KIF5A: variants seen among roughly 807,000 people sequenced by gnomAD.
The protein encoded by KIF5A is kinesin family member 5A.
A neutral mutation model predicts 141.3 loss-of-function variants in KIF5A; 35 were observed. The ratio of observed to expected loss-of-function variants is 0.25; its 90% CI spans 0.19 to 0.33. KIF5A has a LOEUF of 0.33. Ranked by LOEUF, KIF5A falls within the 10% of genes least tolerant of loss-of-function variation. The pLI is 1.00. For synonymous variants in KIF5A, 448 were observed against 500.2 expected (o/e 0.90, Z 1.39); for missense variants, 861 against 1,314.3 (o/e 0.66, Z 5.33).
intron 3 of KIF5A, 22 bp downstream of exon 3, chr12:57,563,715 G>A: frequency 6.2e-7 from 1 of 1,601,704 alleles, no homozygotes; most frequent in Non-Finnish European, 8.6e-7. Flanking sequence ...GGCTTTGGTG[G>A]TTGAGGGGCT....
chr12:57,561,771 T>C (rs562845036), intron 1 of KIF5A, among the ~76,000 whole-genome samples: 1 of 152,326 alleles, frequency 6.6e-6, no homozygotes, highest in South Asian at 2.1e-4. Flanking sequence ...TCAGTTTCTC[T>C]CCTCAAAGTA....
chr12:57,576,511 C>T, intron 19 of KIF5A, 133 bp downstream of exon 19: 1 of 771,296 alleles, frequency 1.3e-6, no homozygotes, highest in Non-Finnish European at 2.2e-6. Flanking sequence ...AACTTCGTAG[C>T]CCCACCTCAG....
chr12:57,560,041 A>C (rs569190999), intron 1 of KIF5A, among the ~76,000 whole-genome samples: 30 of 152,110 alleles, frequency 2.0e-4, no homozygotes, highest in Non-Finnish European at 5.9e-5. Context: ...ACAGGCATGC[A>C]CCGCTATGCC....
Position 57,572,525 on chromosome 12 carries a change from C to G in KIF5A, c.1570-55C>G. On this transcript the variant is annotated intron_variant, in intron 14 of 28. Coordinates refer to ENST00000455537, the MANE Select transcript of KIF5A (RefSeq NM_004984.4). This position sits in a 1 kb window ranked among gnomAD's most constrained non-coding sequence, Gnocchi z 4.2. ...ATGAAGGGAGAGGCCTCTGCCTGGG[C>G]TGGGCAAGGGAGCAGGAGGATGGCA... The G allele has an allele frequency of 6.2e-7, 1 of 1,611,910 alleles. No individual in the cohort carries two copies. Among genetic ancestry groups the G allele is most frequent in the Non-Finnish European group, 8.5e-7 (1 of 1,178,796 alleles).
At chr12:57,569,785 A>G in intron 11 of KIF5A, 102 bp downstream of exon 11, 1 of 1,535,676 alleles carries the variant, frequency 6.5e-7, no homozygotes, top group East Asian at 2.3e-5. Context: ...CCAATCTCCT[A>G]GAAGAGGGGC....
At chr12:57,554,806 G>C (rs773803189) in intron 1 of KIF5A, among the ~76,000 whole-genome samples, 58 of 152,130 alleles carry the variant, frequency 3.8e-4, no homozygotes, top group Admixed American at 3.1e-3. Context: ...GAGGTGCCAA[G>C]CTCTTTTTAA....
rs1377018724 is a variant in KIF5A, at chr12:57,563,613, C to G, written c.218-7C>G. On this transcript the variant is annotated splice_polypyrimidine_tract_variant and splice_region_variant and intron_variant, in intron 2 of 28. Transcript: ENST00000455537. ...CACCAGTACTCTTTCTCTACTGTCTCTTCCAGATGTCCTTGCTGGCTACAA... is the reference window on the plus strand; with the variant it reads ...CACCAGTACTCTTTCTCTACTGTCTGTTCCAGATGTCCTTGCTGGCTACAA... The G allele has an allele frequency of 4.3e-6, 7 of 1,614,124 alleles. No homozygotes were observed. Among genetic ancestry groups the G allele is most frequent in the Non-Finnish European group, 5.9e-6 (7 of 1,179,932 alleles).
intron 1 of KIF5A, among the ~76,000 whole-genome samples, chr12:57,558,542 C>T (rs998612207): frequency 1.1e-4 from 16 of 152,150 alleles, no homozygotes; most frequent in Admixed American, 2.0e-4. Context: ...GGTGTGGTGG[C>T]GGGCGCCTAT....
rs1002558208 is a variant in KIF5A, at chr12:57,586,525, A to G, written c.*2344A>G. 1 of 152,206 alleles carries G rather than the reference A, an allele frequency of 6.6e-6. No homozygotes were observed. The highest frequency in any genetic ancestry group is 2.4e-5 in the African/African-American group (1 of 41,408). 9.4% of individuals were successfully genotyped at this position (152,206 alleles called of 1,614,324 possible). ...TGGCCTGCCCACTCACATCTGCCAA[A>G]ATGTTGCATGCCAGCGTGGAAGACA... On this transcript the variant is annotated 3_prime_UTR_variant, in exon 29 of 29. Transcript: ENST00000455537.
Position 57,575,152 on chromosome 12 carries a change from A to G in KIF5A, c.1785A>G (p.Lys595=). ...TVARLYISKI[K]SEVKSVVKRC... is the part of the protein sequence containing the mutation. ...CCCGACTCTACATCAGCAAAATCAA[A>G]TCAGAAGTCAAGTCTGTGGTCAAGC... is the stretch of plus-strand genomic sequence containing the variant. The change falls in exon 16 of 29, where the codon AAA becomes AAG. Residue 595 remains lysine, a synonymous_variant. Coordinates refer to ENST00000455537, the MANE Select transcript of KIF5A (RefSeq NM_004984.4). 1 of 1,614,108 alleles carries G rather than the reference A, an allele frequency of 6.2e-7. No individual in the cohort carries two copies. Among genetic ancestry groups the G allele is most frequent in the Non-Finnish European group, 8.5e-7 (1 of 1,180,014 alleles).
At position 57,560,299 on chromosome 12, in the gene KIF5A, C is replaced by T. The variant is rs186101604; in HGVS notation, c.130-3140C>T. ...TCTCCTAAATGTTACTCCTTTAAGT[C>T]GTCTTCAATTTCTCATTATTATAAG... On this transcript the variant is annotated intron_variant, in intron 1 of 28. Transcript: ENST00000455537. Among the ~76,000 whole-genome samples the T allele has an allele frequency of 1.8e-3, 268 of 152,278 alleles. 1 individual carries two copies. Among genetic ancestry groups the T allele is most frequent in the African/African-American group, 6.3e-3 (261 of 41,534 alleles).
rs557048277 is a variant in KIF5A at position 57,581,181 on chromosome 12, G to A, written c.2755+9G>A. 5.6e-6 allele frequency: 9 copies of A among 1,612,182 alleles called. No homozygotes were observed. The South Asian group carries it at 8.8e-5, about 16-fold the overall frequency. On this transcript the variant is annotated intron_variant, in intron 24 of 28. Transcript: ENST00000455537. ...CCATTCTGCCCAGATTGGTGAGTAG[G>A]TGTTAGCAGGCAAGGTGGGAGTATC...
chr12:57,562,512 G>A lies in KIF5A; in HGVS notation c.130-927G>A, dbSNP rs114920329. On this transcript the variant is annotated intron_variant, in intron 1 of 28. Transcript: ENST00000455537. ...ATTACAGGCTTGAGCCACCGTGCCC[G>A]ACCCACAGTTCTTCTTTAATTAAAG... is the stretch of plus-strand genomic sequence containing the variant. Among the ~76,000 whole-genome samples, 781 of 152,278 alleles carry A rather than the reference G, an allele frequency of 5.1e-3. 4 individuals carry two copies. The highest frequency in any genetic ancestry group is 0.017 in the African/African-American group (722 of 41,562).
chr12:57,568,516 G>A (rs951744061), intron 8 of KIF5A, among the ~76,000 whole-genome samples: 5 of 151,856 alleles, frequency 3.3e-5, no homozygotes, highest in African/African-American at 4.8e-5. Context: ...ACCTGAGGTC[G>A]GGAGTTCGAG....
Position 57,581,404 on chromosome 12 carries a change from C to T in KIF5A, c.2756-11C>T. 6.2e-7 allele frequency: 1 copy of T among 1,613,618 alleles called. No homozygotes were observed. The highest frequency in any genetic ancestry group is 1.7e-5 in the Admixed American group (1 of 60,012). On this transcript the variant is annotated splice_polypyrimidine_tract_variant and intron_variant, in intron 24 of 28. Transcript: ENST00000455537. ...TAGCCTCCTCATGGTTGTTTTCTTT[C>T]TTTATTGCAGCCAAACCCGTCCGGC...
At position 57,564,279 on chromosome 12, in the gene KIF5A, C is replaced by T. The variant is rs1881997136; in HGVS notation, c.396+67C>T. On this transcript the variant is annotated intron_variant, in intron 4 of 28. Transcript: ENST00000455537. ...GAGGGGAAGATCTAAAATCTTCCCACTGAAGAGCCTGGGCTCCCCAACTTG... is the reference window on the plus strand; with the variant it reads ...GAGGGGAAGATCTAAAATCTTCCCATTGAAGAGCCTGGGCTCCCCAACTTG... 6 of 1,237,640 alleles carry T rather than the reference C, an allele frequency of 4.8e-6. No individual in the cohort carries two copies. The Admixed American group carries it at 1.0e-4, about 21-fold the overall frequency. The allele number at this position is 1,237,640 out of a possible 1,614,324, so 76.7% of individuals were successfully genotyped here.
chr12:57,576,332 C>T lies in KIF5A; in HGVS notation c.2152C>T (p.Arg718Trp), dbSNP rs769871370. ...CCATCACCGGCAGCTGGCCCGGCTCCGGGACGAGATCAACGAGAAGCAGAA... is the reference window on the plus strand; with the variant it reads ...CCATCACCGGCAGCTGGCCCGGCTCTGGGACGAGATCAACGAGAAGCAGAA... ...EAHHRQLARLRDEINEKQKTI... is the reference protein window; with the variant it reads ...EAHHRQLARLWDEINEKQKTI... Residue 718 changes from arginine (R) to tryptophan (W), a missense_variant, in exon 19 of 29, where the codon CGG becomes TGG. Arg to Trp is a moderately radical substitution (Grantham distance 101). Around this residue, in one of 5 missense-constraint regions of KIF5A, gnomAD observed 482 missense variants for 661.3 expected, o/e 0.73. Coordinates refer to ENST00000455537, the MANE Select transcript of KIF5A (RefSeq NM_004984.4). 1.4e-5 allele frequency: 23 copies of T among 1,613,832 alleles called. No homozygotes were observed. Among genetic ancestry groups the T allele is most frequent in the South Asian group, 2.2e-5 (2 of 91,066 alleles).
Position 57,581,072 on chromosome 12 carries a change from C to T in KIF5A, c.2655C>T (p.Gly885=), listed in dbSNP as rs1007236664. The T allele has an allele frequency of 8.1e-6, 13 of 1,613,918 alleles. No individual in the cohort carries two copies. The highest frequency in any genetic ancestry group is 6.7e-5 in the African/African-American group (5 of 74,866). Residue 885 remains glycine (G), a synonymous_variant, in exon 24 of 29, where the codon GGC becomes GGT. Transcript: ENST00000455537. ...GTGCACTGAAGGAGGCCAAGGAGGG[C>T]GCCATGAAGGACAAGCGCCGGTACC... The part of the protein sequence containing the change: ...LEGALKEAKE[G]AMKDKRRYQQ...
intron 6 of KIF5A, among the ~76,000 whole-genome samples, chr12:57,566,093 GT>G (rs927671693): frequency 6.6e-6 from 1 of 150,742 alleles, no homozygotes; most frequent in African/African-American, 2.4e-5. Flanking sequence ...AGAGACAGTG[GT>G]TTTTTTTGTT....
Sources: allele counts gnomAD v4.1 joint callset (sites outside exome capture counted in the v4.1 genomes callset), GRCh38; gene constraint gnomAD v4.1.1; regional missense constraint gnomAD v4.1.1; non-coding constraint Gnocchi (gnomAD v3.1); transcripts MANE v1.5; gene names NCBI Gene and HGNC (gene_info 2026-07-23, HGNC 2026-07-21).